The following ELF5 variants were observed in gnomAD, a reference collection of about 807,000 sequenced individuals.
The protein encoded by ELF5 is E74 like ETS transcription factor 5, also known as ETS-related transcription factor Elf-5.
ELF5 carries 31 observed loss-of-function variants against 38.2 expected under a neutral mutation model. The observed-to-expected ratio is 0.81, with a 90% confidence interval of 0.61 to 1.10. The LOEUF (loss-of-function observed/expected upper bound fraction) is 1.10, where lower values mean the gene tolerates loss of function less well. Among genes scored for constraint, ELF5 ranks in the 50% least tolerant of loss-of-function variants. The pLI is 0.00. For synonymous variants in ELF5, 121 were observed against 112.5 expected (o/e 1.08, Z -0.48); for missense variants, 300 against 306.6 (o/e 0.98, Z 0.16).
intron 4 of ELF5, among the ~76,000 whole-genome samples, chr11:34,484,877 C>T (rs1849945582): frequency 1.3e-5 from 2 of 152,204 alleles, no homozygotes; most frequent in Admixed American, 1.3e-4. Context: ...CCACTCTCCA[C>T]TTCTACCCAG....
chr11:34,499,004 T>G (rs1390804875), intron 2 of ELF5, among the ~76,000 whole-genome samples: 2 of 151,774 alleles, frequency 1.3e-5, no homozygotes, highest in African/African-American at 2.4e-5. Flanking sequence ...GGCAGGAGAA[T>G]TGCTTGAACC....
chr11:34,479,395 A>G lies in ELF5; in HGVS notation c.*823T>C, dbSNP rs1265748112. ...ATCAGTTAGAAGGGGGAATAAACTC[A>G]GCAACAATTAATAATGTGGTTAATG... On this transcript the variant is annotated 3_prime_UTR_variant, in exon 7 of 7. Coordinates refer to ENST00000257832, the MANE Select transcript of ELF5 (RefSeq NM_001422.4). 6.6e-6 allele frequency: 1 copy of G among 152,242 alleles called. No homozygotes were observed. The highest frequency in any genetic ancestry group is 1.5e-5 in the Non-Finnish European group (1 of 68,056). The allele number at this position is 152,242 out of a possible 1,614,324, so 9.4% of individuals were successfully genotyped here. A position where few individuals can be genotyped will look rare whatever the true frequency, so the allele number is the denominator to read the frequency against.
intron 2 of ELF5, among the ~76,000 whole-genome samples, chr11:34,496,943 A>G (rs909867799): frequency 1.1e-4 from 16 of 152,242 alleles, no homozygotes; most frequent in African/African-American, 3.9e-4. Context: ...TTGGGCACAC[A>G]TCTCAAGACT....
rs892660136 is a variant in ELF5, at chr11:34,493,346, A to G, written c.355+133T>C. On this transcript the variant is annotated intron_variant, in intron 3 of 6. Coordinates refer to ENST00000257832, the MANE Select transcript of ELF5 (RefSeq NM_001422.4). ...CTGGCATACTAGCTTCCAGTTATTG[A>G]AGGTTTGGATTAACGAGAACTCCAG... 3.6e-6 allele frequency: 3 copies of G among 833,850 alleles called. No homozygotes were observed. In the African/African-American group the frequency reaches 5.1e-5, roughly 14 times the overall value. 51.7% of individuals were successfully genotyped at this position (833,850 alleles called of 1,614,324 possible).
chr11:34,510,762 C>T (rs12363309), intron 1 of ELF5, among the ~76,000 whole-genome samples: 1 of 152,106 alleles, frequency 6.6e-6, no homozygotes, highest in East Asian at 1.9e-4. Context: ...ATCTCTGGTA[C>T]TCACATTTCT....
intron 5 of ELF5, among the ~76,000 whole-genome samples, chr11:34,482,014 G>C (rs115263130): frequency 8.5e-5 from 13 of 152,156 alleles, no homozygotes; most frequent in Non-Finnish European, 1.6e-4. Context: ...GCCAATTCCC[G>C]GTGTTTTCTT....
At chr11:34,490,381 G>A (rs922444403) in intron 3 of ELF5, among the ~76,000 whole-genome samples, 7 of 152,142 alleles carry the variant, frequency 4.6e-5, no homozygotes, top group South Asian at 2.1e-4. Flanking sequence ...GAGCTGGGCC[G>A]GGCTACTGAT....
chr11:34,486,879 C>A (rs55733944), intron 4 of ELF5, among the ~76,000 whole-genome samples: 44,605 of 151,858 alleles, frequency 0.29, 8,595 homozygotes, highest in Non-Finnish European at 0.41. Context: ...CCCCAGGATG[C>A]CACTTTCCTT....
chr11:34,496,298 G>T (rs563305113), intron 2 of ELF5, among the ~76,000 whole-genome samples: 3 of 152,358 alleles, frequency 2.0e-5, no homozygotes, highest in Non-Finnish European at 1.5e-5. Flanking sequence ...CCAGAGCCCT[G>T]CGGAGGCTCC....
At chr11:34,504,797 G>A (rs957855713) in intron 2 of ELF5, among the ~76,000 whole-genome samples, 4 of 152,068 alleles carry the variant, frequency 2.6e-5, no homozygotes, top group African/African-American at 7.2e-5. Flanking sequence ...GCCTCCCTCC[G>A]GCATGGGATT....
chr11:34,510,716 A>T (rs768398618), intron 1 of ELF5, among the ~76,000 whole-genome samples: 21 of 152,222 alleles, frequency 1.4e-4, no homozygotes, highest in Non-Finnish European at 2.1e-4. Flanking sequence ...ACAGTGTTTT[A>T]TCATGCTCCA....
chr11:34,491,999 C>T (rs1341140018), intron 3 of ELF5: 1 of 152,226 alleles, frequency 6.6e-6, no homozygotes, highest in Non-Finnish European at 1.5e-5. Flanking sequence ...GTTGACTTGA[C>T]ATTTGGCCAA....
At chr11:34,508,469 C>T (rs10160396) in intron 1 of ELF5, among the ~76,000 whole-genome samples, 407 of 151,904 alleles carry the variant, frequency 2.7e-3, no homozygotes, top group African/African-American at 9.5e-3. Flanking sequence ...TGCCACTGCA[C>T]TCCAGCCTGG....
At chr11:34,481,493 G>T (rs1856943154) in intron 5 of ELF5, among the ~76,000 whole-genome samples, 1 of 152,154 alleles carries the variant, frequency 6.6e-6, no homozygotes, top group African/African-American at 2.4e-5. Flanking sequence ...CACATTCAGA[G>T]ACACCCAATT....
intron 2 of ELF5, among the ~76,000 whole-genome samples, chr11:34,503,012 TA>T (rs965473888): frequency 6.6e-6 from 1 of 152,250 alleles, no homozygotes; most frequent in African/African-American, 2.4e-5. Flanking sequence ...CCTCATTCTT[TA>T]AAATTGTGGT....
At position 34,512,794 on chromosome 11, in the gene ELF5, G is replaced by A. The variant is rs146390376; in HGVS notation, c.-5+883C>T. 1.6e-4 allele frequency among the ~76,000 whole-genome samples: 25 copies of A among 152,184 alleles called. No homozygotes were observed. In the East Asian group the frequency reaches 4.0e-3, roughly 25 times the overall value. On this transcript the variant is annotated intron_variant, in intron 1 of 6. Transcript: ENST00000257832. Reference sequence around the variant, plus strand: ...TGAAAAACAGTATTGCAGAGAACACGAAGACAACAGAATCAAGCGTTCACT... The same window carrying A: ...TGAAAAACAGTATTGCAGAGAACACAAAGACAACAGAATCAAGCGTTCACT...
intron 4 of ELF5, among the ~76,000 whole-genome samples, chr11:34,487,998 C>T (rs995605131): frequency 6.6e-6 from 1 of 152,026 alleles, no homozygotes; most frequent in Non-Finnish European, 1.5e-5. Flanking sequence ...CTGCTTGGAA[C>T]CTTTTCTTCT....
At position 34,480,927 on chromosome 11, in the gene ELF5, C is replaced by T. The variant is rs758488668; in HGVS notation, c.516G>A (p.Leu172=). The T allele has an allele frequency of 6.2e-7, 1 of 1,613,944 alleles. No homozygotes were observed. Among genetic ancestry groups the T allele is most frequent in the African/African-American group, 1.3e-5 (1 of 74,890 alleles). The change falls in exon 6 of 7, where the codon CTG becomes CTA. Residue 172 remains leucine (L), a synonymous_variant. Transcript: ENST00000257832. The stretch of plus-strand genomic sequence containing the variant: ...CACAGTTTTCTTCAGGAGATAGAAG[C>T]AGGTCTCGTACAAATTCCCATAGAT... The part of the protein sequence containing the change: ...SSHLWEFVRD[L]LLSPEENCGI...
intron 1 of ELF5, among the ~76,000 whole-genome samples, chr11:34,508,844 G>A (rs1369364287): frequency 6.6e-6 from 1 of 152,222 alleles, no homozygotes; most frequent in Non-Finnish European, 1.5e-5. Context: ...TTAAGTGGCA[G>A]GGAGGTCCTT....
Sources: allele counts gnomAD v4.1 joint callset (sites outside exome capture counted in the v4.1 genomes callset), GRCh38; gene constraint gnomAD v4.1.1; transcripts MANE v1.5; gene names NCBI Gene and HGNC (gene_info 2026-07-23, HGNC 2026-07-21).